Variants in CPXM2 observed in about 807,000 individuals in gnomAD.
CPXM2 encodes the protein carboxypeptidase X, M14 family member 2.
In CPXM2, 66 loss-of-function variants were observed where a neutral mutation model predicts 86.1. The ratio of observed to expected loss-of-function variants is 0.77; its 90% CI spans 0.63 to 0.94. CPXM2 has a LOEUF of 0.94. Among genes scored for constraint, CPXM2 ranks in the 40% least tolerant of loss-of-function variants. The pLI is 0.00. For missense variants in CPXM2, 948 were observed against 1,026.3 expected (o/e 0.92, Z 1.04); for synonymous variants, 388 against 400.2 (o/e 0.97, Z 0.36).
At chr10:123,923,152 T>C (rs1279273510) in intron 2 of CPXM2, among the ~76,000 whole-genome samples, 2 of 152,020 alleles carry the variant, frequency 1.3e-5, no homozygotes, top group African/African-American at 4.8e-5. Flanking sequence ...TAAAAGACAA[T>C]TGGCCTGCGT....
At chr10:123,878,526 T>TGC (rs1298123310) in intron 2 of CPXM2, among the ~76,000 whole-genome samples, 2 of 150,906 alleles carry the variant, frequency 1.3e-5, no homozygotes, top group African/African-American at 2.4e-5. Context: ...TGTGTGTGTG[T>TGC]GTGTGTGTGT....
rs1318999568 is a variant in CPXM2 at position 123,794,261 on chromosome 10, T to C, written c.889+3715A>G. Among the ~76,000 whole-genome samples the C allele has an allele frequency of 3.3e-5, 5 of 152,142 alleles. No homozygotes were observed. In the East Asian group the frequency reaches 7.7e-4, roughly 23 times the overall value. Reference sequence around the variant, plus strand: ...CAAAGGGAGGACAGTCGCTCAGACCTGGCCAGGAAGACGAGGTGGAAAGAG... The same window carrying C: ...CAAAGGGAGGACAGTCGCTCAGACCCGGCCAGGAAGACGAGGTGGAAAGAG... On this transcript the variant is annotated intron_variant, in intron 6 of 13. Transcript: ENST00000241305.
chr10:123,842,551 C>A (rs753512459), intron 3 of CPXM2, 63 bp from the exon 4 acceptor site: 15 of 1,538,844 alleles, frequency 9.7e-6, no homozygotes, highest in African/African-American at 4.1e-5. Flanking sequence ...TAAGACATAT[C>A]TTTTCCTGAG....
chr10:123,822,513 C>T (rs1460047429), intron 4 of CPXM2, among the ~76,000 whole-genome samples: 1 of 151,802 alleles, frequency 6.6e-6, no homozygotes, highest in African/African-American at 2.4e-5. Context: ...GGAGAAAATA[C>T]AGAGTGCTTG....
rs150050504 is a variant in CPXM2, at chr10:123,765,278, TTTC to T, written c.1479+1692_1479+1694del. Among the ~76,000 whole-genome samples, 646 of 152,368 alleles carry T rather than the reference TTTC, an allele frequency of 4.2e-3. 2 individuals carry two copies. Among genetic ancestry groups the T allele is most frequent in the African/African-American group, 0.015 (621 of 41,584 alleles). ...TTATTCAAATCTTTATCTTTGCTGA[TTTC>T]TTATCTATCTAATCTATCCACAATT... On this transcript the variant is annotated intron_variant, in intron 10 of 13. Coordinates refer to ENST00000241305, the MANE Select transcript of CPXM2 (RefSeq NM_198148.3).
chr10:123,938,532 T>A (rs1345685914), intron 2 of CPXM2, among the ~76,000 whole-genome samples: 1 of 152,164 alleles, frequency 6.6e-6, no homozygotes, highest in Non-Finnish European at 1.5e-5. Flanking sequence ...CCCAATAGTC[T>A]CCCAGGAGAT....
intron 4 of CPXM2, among the ~76,000 whole-genome samples, chr10:123,836,060 A>G (rs565703903): frequency 9.2e-5 from 14 of 151,860 alleles, no homozygotes; most frequent in South Asian, 2.1e-4. Flanking sequence ...GCTAGACCCC[A>G]CTGTCACTTC....
chr10:123,746,428 C>G lies in CPXM2; in HGVS notation c.*336G>C. 3.2e-6 allele frequency: 1 copy of G among 308,320 alleles called. No homozygotes were observed. The highest frequency in any genetic ancestry group is 6.0e-6 in the Non-Finnish European group (1 of 167,366). 19.1% of individuals were successfully genotyped at this position (308,320 alleles called of 1,614,324 possible). On this transcript the variant is annotated 3_prime_UTR_variant, in exon 14 of 14. Transcript: ENST00000241305. Reference sequence around the variant, plus strand: ...TGCTGCCACGCAAACAGGGGAAGCACCAGAATCCTTTTCTATGCAGCCAGA... The same window carrying G: ...TGCTGCCACGCAAACAGGGGAAGCAGCAGAATCCTTTTCTATGCAGCCAGA...
chr10:123,797,853 G>T, intron 6 of CPXM2, 123 bp downstream of exon 6: 2 of 962,218 alleles, frequency 2.1e-6, no homozygotes, highest in East Asian at 3.3e-5. Flanking sequence ...CTCCCAAAAT[G>T]CTGGGATTAC....
At chr10:123,910,167 G>A (rs898481498) in intron 2 of CPXM2, among the ~76,000 whole-genome samples, 3 of 152,156 alleles carry the variant, frequency 2.0e-5, no homozygotes, top group East Asian at 1.9e-4. Flanking sequence ...CTGCACATTC[G>A]CGCCCCTGCA....
At chr10:123,921,939 T>C (rs201000029) in intron 2 of CPXM2, among the ~76,000 whole-genome samples, 3,044 of 152,294 alleles carry the variant, frequency 0.02, 81 homozygotes, top group East Asian at 0.093. Flanking sequence ...CTGATGCCTT[T>C]CTTTTGCTTA....
At chr10:123,763,197 G>T (rs1043974590) in intron 10 of CPXM2, among the ~76,000 whole-genome samples, 2 of 152,110 alleles carry the variant, frequency 1.3e-5, no homozygotes, top group Non-Finnish European at 2.9e-5. Context: ...ACACCACCAC[G>T]CCTGGCTAAT....
At position 123,822,326 on chromosome 10, in the gene CPXM2, T is replaced by TCCC. The variant is rs1847943361; in HGVS notation, c.653+20022_653+20023insGGG. Among the ~76,000 whole-genome samples the TCCC allele has an allele frequency of 3.9e-5, 6 of 152,194 alleles. No homozygotes were observed. In the South Asian group the frequency reaches 8.3e-4, roughly 21 times the overall value. On this transcript the variant is annotated intron_variant, in intron 4 of 13. Transcript: ENST00000241305. ...TATAAGCCACTCTTTCTCTTCACCCTTGCACCAAATACTTGTCAATACCAG... is the reference window on the plus strand; with the variant it reads ...TATAAGCCACTCTTTCTCTTCACCCTCCCTGCACCAAATACTTGTCAATACCAG...
At chr10:123,758,590 G>A (rs1397807225) in intron 11 of CPXM2, among the ~76,000 whole-genome samples, 2 of 152,092 alleles carry the variant, frequency 1.3e-5, no homozygotes, top group Admixed American at 1.3e-4. Context: ...CCAGGTGTGG[G>A]GTTCTAGAAA....
At chr10:123,923,431 A>G (rs950246667) in intron 2 of CPXM2, among the ~76,000 whole-genome samples, 1 of 124,942 alleles carries the variant, frequency 8.0e-6, no homozygotes, top group African/African-American at 3.1e-5. Flanking sequence ...ATACAAAAAA[A>G]TTAGCCGGGC....
chr10:123,748,413 C>T (rs769485966), intron 13 of CPXM2, among the ~76,000 whole-genome samples: 3 of 152,188 alleles, frequency 2.0e-5, no homozygotes, highest in Non-Finnish European at 2.9e-5. Flanking sequence ...CTCCCACATA[C>T]ACAGATCTAT....
intron 2 of CPXM2, among the ~76,000 whole-genome samples, chr10:123,875,719 C>A (rs76568680): frequency 0.02 from 3,071 of 151,920 alleles, 98 homozygotes; most frequent in East Asian, 0.11. Flanking sequence ...GAGGGAGATG[C>A]GTCAAGCAAG....
intron 3 of CPXM2, among the ~76,000 whole-genome samples, chr10:123,849,116 G>A (rs1336191073): frequency 3.9e-5 from 6 of 152,114 alleles, no homozygotes; most frequent in African/African-American, 7.2e-5. Flanking sequence ...TGAATCATCC[G>A]TGTTTCTTAG....
intron 4 of CPXM2, among the ~76,000 whole-genome samples, chr10:123,828,447 TC>T (rs1172081682): frequency 6.6e-6 from 1 of 152,206 alleles, no homozygotes; most frequent in Non-Finnish European, 1.5e-5. Flanking sequence ...TAGGGGCAGG[TC>T]TTTTCCATGC....
Sources: gnomAD v4.1 joint callset for allele counts (sites outside exome capture counted in the v4.1 genomes callset) on GRCh38, gnomAD v4.1.1 for gene constraint, MANE v1.5 for transcripts, NCBI Gene and HGNC (gene_info 2026-07-23, HGNC 2026-07-21) for gene names.